The following KITLG variants were observed in gnomAD, a reference collection of about 807,000 sequenced individuals.
KITLG encodes the protein c-Kit ligand.
KITLG carries 13 observed loss-of-function variants against 34.1 expected under a neutral mutation model. The ratio of observed to expected loss-of-function variants is 0.38; its 90% CI spans 0.25 to 0.61. KITLG has a LOEUF of 0.61. Among genes scored for constraint, KITLG ranks in the 20% least tolerant of loss-of-function variants. The pLI, the probability that KITLG is intolerant of heterozygous loss-of-function variation, is 0.60. For missense variants in KITLG, 292 were observed against 318.9 expected, an observed-to-expected ratio of 0.92 and a Z score of 0.64; for synonymous variants, 110 against 104.0, an observed-to-expected ratio of 1.06 and a Z score of -0.35.
At chr12:88,514,694 T>C (rs1036517797) in intron 6 of KITLG, among the ~76,000 whole-genome samples, 2 of 151,538 alleles carry the variant, frequency 1.3e-5, no homozygotes, top group African/African-American at 2.4e-5. Flanking sequence ...AATAAGTAAA[T>C]TGTATTTTAG....
chr12:88,557,579 T>G (rs918396733), intron 1 of KITLG, among the ~76,000 whole-genome samples: 1 of 152,170 alleles, frequency 6.6e-6, no homozygotes, highest in Non-Finnish European at 1.5e-5. Context: ...TGATGGGTAC[T>G]AGTTTAATTC....
Position 88,580,451 on chromosome 12 carries a change from G to T in KITLG, c.-173C>A. The T allele has an allele frequency of 1.3e-6, 1 of 781,516 alleles. No homozygotes were observed. Among genetic ancestry groups the T allele is most frequent in the Non-Finnish European group, 2.1e-6 (1 of 482,536 alleles). The allele number at this position is 781,516 out of a possible 1,614,324, so 48.4% of individuals were successfully genotyped here. ...GCTTCCCGCAGCGCTTCTAGTCTCG[G>T]CGCGAGGCGGCGAGCGAAGCCCGGC... On this transcript the variant is annotated 5_prime_UTR_variant, in exon 1 of 10. Transcript: ENST00000644744.
intron 1 of KITLG, among the ~76,000 whole-genome samples, chr12:88,559,853 T>C (rs1566034363): frequency 6.6e-6 from 1 of 152,228 alleles, no homozygotes; most frequent in East Asian, 1.9e-4. Flanking sequence ...TAAACTTCAA[T>C]TGCAGATTCA....
At chr12:88,521,702 T>G (rs867031377) in intron 3 of KITLG, among the ~76,000 whole-genome samples, 1 of 152,204 alleles carries the variant, frequency 6.6e-6, no homozygotes, top group African/African-American at 2.4e-5. Flanking sequence ...GCATGTAATT[T>G]GATGCTTTAT....
At chr12:88,553,791 G>T (rs1871005867) in intron 1 of KITLG, among the ~76,000 whole-genome samples, 1 of 152,166 alleles carries the variant, frequency 6.6e-6, no homozygotes, top group Non-Finnish European at 1.5e-5. Flanking sequence ...AACAGTTCTG[G>T]TAGAGGGAAG....
chr12:88,532,299 C>T (rs949467442), intron 3 of KITLG, 142 bp downstream of exon 3: 5 of 682,148 alleles, frequency 7.3e-6, no homozygotes, highest in Non-Finnish European at 5.0e-6. Flanking sequence ...AAAAAGCCTG[C>T]AAGTCAAATT....
chr12:88,494,390 G>A lies in KITLG; in HGVS notation c.*2829C>T, dbSNP rs1359511090. ...TTAGAGTAGGAAAACGTGCCCCAAA[G>A]TTTCTCCAAAGTACTTTAAAGCTCA... On this transcript the variant is annotated 3_prime_UTR_variant, in exon 10 of 10. Coordinates refer to ENST00000644744, the MANE Select transcript of KITLG (RefSeq NM_000899.5). 1 of 152,048 alleles carries A rather than the reference G, an allele frequency of 6.6e-6. No homozygotes were observed. The highest frequency in any genetic ancestry group is 6.6e-5 in the Admixed American group (1 of 15,170). The allele number at this position is 152,048 out of a possible 1,614,324, so 9.4% of individuals were successfully genotyped here. A position where few individuals can be genotyped will look rare whatever the true frequency, so the allele number is the denominator to read the frequency against.
chr12:88,517,581 T>G (rs1467896565), intron 4 of KITLG, among the ~76,000 whole-genome samples: 1 of 152,158 alleles, frequency 6.6e-6, no homozygotes, highest in Non-Finnish European at 1.5e-5. Context: ...AAGGCTCTAA[T>G]GCACATGTTA....
rs576207861 is a variant in KITLG at position 88,556,000 on chromosome 12, G to A, written c.16-10135C>T. Among the ~76,000 whole-genome samples the A allele has an allele frequency of 2.0e-5, 3 of 152,110 alleles. No homozygotes were observed. The East Asian group carries it at 5.8e-4, about 30-fold the overall frequency. On this transcript the variant is annotated intron_variant, in intron 1 of 9. Coordinates refer to ENST00000644744, the MANE Select transcript of KITLG (RefSeq NM_000899.5). The stretch of plus-strand genomic sequence containing the variant: ...ACAGCTAAACCTGACTTGGGGAGGG[G>A]GGCATTTGGGGGACAGGGGCATTTG...
At chr12:88,577,853 C>G (rs1189112356) in intron 1 of KITLG, among the ~76,000 whole-genome samples, 1 of 152,136 alleles carries the variant, frequency 6.6e-6, no homozygotes, top group African/African-American at 2.4e-5. Context: ...TCTTGGAGAG[C>G]TGTGTAATTC....
chr12:88,493,997 T>C lies in KITLG; in HGVS notation c.*3222A>G, dbSNP rs1172392364. 2.0e-5 allele frequency: 3 copies of C among 151,702 alleles called. No individual in the cohort carries two copies. The highest frequency in any genetic ancestry group is 4.8e-5 in the African/African-American group (2 of 41,354). 9.4% of individuals were successfully genotyped at this position (151,702 alleles called of 1,614,324 possible). On this transcript the variant is annotated 3_prime_UTR_variant, in exon 10 of 10. Coordinates refer to ENST00000644744, the MANE Select transcript of KITLG (RefSeq NM_000899.5). ...AGATACTTATTCACAGAATCCAGAG[T>C]TGGATATTTTGTATGGGTTAGTTTC... is the stretch of plus-strand genomic sequence containing the variant.
intron 9 of KITLG, among the ~76,000 whole-genome samples, chr12:88,500,748 G>A (rs558947874): frequency 5.3e-5 from 8 of 152,204 alleles, no homozygotes; most frequent in South Asian, 4.1e-4. Flanking sequence ...CTGTTCTCAC[G>A]CATGGTGTCA....
chr12:88,513,738 C>A (rs756148915), intron 6 of KITLG, among the ~76,000 whole-genome samples: 8 of 151,114 alleles, frequency 5.3e-5, no homozygotes, highest in Non-Finnish European at 1.2e-4. Context: ...ATGTATAAGC[C>A]CATAATAATA....
At chr12:88,559,913 G>A (rs1056980014) in intron 1 of KITLG, among the ~76,000 whole-genome samples, 1 of 152,164 alleles carries the variant, frequency 6.6e-6, no homozygotes, top group Admixed American at 6.5e-5. Flanking sequence ...TACAACTGCA[G>A]GTTCAATGAC....
At chr12:88,521,869 C>A (rs1015804591) in intron 3 of KITLG, among the ~76,000 whole-genome samples, 1 of 152,128 alleles carries the variant, frequency 6.6e-6, no homozygotes, top group Admixed American at 6.6e-5. Flanking sequence ...CTAGCTAGGA[C>A]TACTAAAAAC....
At chr12:88,523,619 G>A (rs1387459126) in intron 3 of KITLG, among the ~76,000 whole-genome samples, 2 of 152,134 alleles carry the variant, frequency 1.3e-5, no homozygotes, top group Admixed American at 1.3e-4. Context: ...TTTATTTACT[G>A]TTCTTTTGGT....
At chr12:88,538,967 G>A (rs1429485435) in intron 2 of KITLG, among the ~76,000 whole-genome samples, 2 of 152,182 alleles carry the variant, frequency 1.3e-5, no homozygotes, top group African/African-American at 4.8e-5. Context: ...ACCATGTCCA[G>A]TGACACTGGA....
At chr12:88,571,221 A>G (rs1871639878) in intron 1 of KITLG, among the ~76,000 whole-genome samples, 2 of 152,210 alleles carry the variant, frequency 1.3e-5, no homozygotes, top group South Asian at 4.1e-4. Context: ...TCTTTTAGAG[A>G]AGGAAACAAT....
chr12:88,548,676 C>G (rs1218825055), intron 1 of KITLG, among the ~76,000 whole-genome samples: 1 of 152,046 alleles, frequency 6.6e-6, no homozygotes, highest in East Asian at 1.9e-4. Flanking sequence ...GAGCAGCTAC[C>G]CCCACCAGTA....
Sources: allele counts gnomAD v4.1 joint callset (sites outside exome capture counted in the v4.1 genomes callset), GRCh38; gene constraint gnomAD v4.1.1; transcripts MANE v1.5; gene names NCBI Gene and HGNC (gene_info 2026-07-23, HGNC 2026-07-21).